CHD7: variants seen among roughly 807,000 people sequenced by gnomAD.
The protein encoded by CHD7 is ATP-dependent chromatin remodeler CHD7.
In CHD7, 24 loss-of-function variants were observed where a neutral mutation model predicts 307.3. The ratio of observed to expected loss-of-function variants is 0.08; its 90% CI spans 0.06 to 0.11. The LOEUF (loss-of-function observed/expected upper bound fraction) is 0.11. Ranked by LOEUF, CHD7 falls within the 10% of genes least tolerant of loss-of-function variation. The pLI is 1.00. For missense variants in CHD7, 3,106 were observed against 3,727.1 expected (o/e 0.83, Z 4.34); for synonymous variants, 1,363 against 1,349.9 (o/e 1.01, Z -0.21).
intron 1 of CHD7, among the ~76,000 whole-genome samples, chr8:60,729,971 C>T (rs1432666722): frequency 6.6e-6 from 1 of 152,010 alleles, no homozygotes; most frequent in Non-Finnish European, 1.5e-5. Context: ...GTATGAAGTA[C>T]TTAAAATTAG....
chr8:60,760,088 G>C (rs934644174), intron 2 of CHD7, among the ~76,000 whole-genome samples: 9 of 152,130 alleles, frequency 5.9e-5, no homozygotes, highest in African/African-American at 2.2e-4. Context: ...GTTCAGTTTG[G>C]GGTCAGACAA....
At chr8:60,769,169 C>T (rs1216219691) in intron 2 of CHD7, among the ~76,000 whole-genome samples, 1 of 152,148 alleles carries the variant, frequency 6.6e-6, no homozygotes, top group Admixed American at 6.5e-5. Context: ...TTTAAGAACT[C>T]TAACTAAGGC....
chr8:60,749,420 A>G (rs1036923415), intron 2 of CHD7, among the ~76,000 whole-genome samples: 3 of 146,454 alleles, frequency 2.0e-5, no homozygotes, highest in Non-Finnish European at 4.5e-5. Context: ...AGACATGGGC[A>G]GAGTAATTGG....
Position 60,853,435 on chromosome 8 carries a change from C to A in CHD7, c.6710C>A (p.Ser2237Tyr). 9.2e-6 allele frequency: 14 copies of A among 1,521,550 alleles called. No homozygotes were observed. Among genetic ancestry groups the A allele is most frequent in the Non-Finnish European group, 1.1e-5 (13 of 1,138,518 alleles). The allele number at this position is 1,521,550 out of a possible 1,614,324, so 94.3% of individuals were successfully genotyped here. ...TCCAAATCTATTTCAGAGAAAGGTT[C>A]CGAAGAGGATGAAGAGGAAAAGCTG... is the stretch of plus-strand genomic sequence containing the variant. ...TGSKSISEKG[S>Y]EEDEEEKLED... The change falls in exon 31 of 38, where the codon TCC (serine) becomes TAC (tyrosine). Residue 2237 changes from serine (S) to tyrosine (Y), a missense_variant. Physicochemically the swap from Ser to Tyr is moderately radical, Grantham distance 144 (BLOSUM62 -2). Around this residue, in one of 10 missense-constraint regions of CHD7, gnomAD observed 1,030 missense variants for 1,165.4 expected, o/e 0.88. Coordinates refer to ENST00000423902, the MANE Select transcript of CHD7 (RefSeq NM_017780.4).
chr8:60,847,185 G>A (rs997781997), intron 23 of CHD7, among the ~76,000 whole-genome samples: 7 of 152,214 alleles, frequency 4.6e-5, no homozygotes, highest in African/African-American at 1.2e-4. Flanking sequence ...CATGCTGGCC[G>A]TGAGTAGGCT....
Position 60,829,473 on chromosome 8 carries a change from C to T in CHD7, c.3522+667C>T, listed in dbSNP as rs559378836. Among the ~76,000 whole-genome samples, 12 of 152,220 alleles carry T rather than the reference C, an allele frequency of 7.9e-5. No individual in the cohort carries two copies. The East Asian group carries it at 2.1e-3, about 27-fold the overall frequency. ...AAAATTAGCCGGGCGTGGTGGAACA[C>T]GCCTGTAGCCCCAGCTACTCTGGAC... On this transcript the variant is annotated intron_variant, in intron 14 of 37. Coordinates refer to ENST00000423902, the MANE Select transcript of CHD7 (RefSeq NM_017780.4).
chr8:60,829,875 G>A (rs925210327), intron 14 of CHD7, among the ~76,000 whole-genome samples: 2 of 152,144 alleles, frequency 1.3e-5, no homozygotes, highest in African/African-American at 2.4e-5. Flanking sequence ...AGGGAGAGAC[G>A]TCTCTGCTGG....
At position 60,822,110 on chromosome 8, in the gene CHD7, G is replaced by A. The variant is rs1278202176; in HGVS notation, c.2922G>A (p.Glu974=). ...ACAAACTCAGGGAATACCAGTTGGA[G>A]GGAGTAAACTGGCTACTTTTCAATT... ...NNNKLREYQL[E]GVNWLLFNWY... is the part of the protein sequence containing the mutation. The change falls in exon 11 of 38, where the codon GAG becomes GAA. Residue 974 remains glutamate (E), a synonymous_variant. Coordinates refer to ENST00000423902, the MANE Select transcript of CHD7 (RefSeq NM_017780.4). The A allele has an allele frequency of 1.9e-6, 3 of 1,613,534 alleles. No homozygotes were observed. The highest frequency in any genetic ancestry group is 2.7e-5 in the African/African-American group (2 of 74,898).
chr8:60,844,799 A>T (rs1307562273), intron 21 of CHD7, 65 bp from the exon 22 acceptor site: 8 of 1,376,170 alleles, frequency 5.8e-6, no homozygotes, highest in Non-Finnish European at 7.9e-6. Flanking sequence ...CTGGTACCTG[A>T]CTTAAAGTAA....
At chr8:60,701,185 T>C (rs1410252164) in intron 1 of CHD7, among the ~76,000 whole-genome samples, 1 of 152,230 alleles carries the variant, frequency 6.6e-6, no homozygotes, top group Non-Finnish European at 1.5e-5. Context: ...AACAGTTTAG[T>C]CACTGTTTCC....
intron 23 of CHD7, among the ~76,000 whole-genome samples, chr8:60,846,783 A>G (rs1805227407): frequency 6.6e-6 from 1 of 152,274 alleles, no homozygotes; most frequent in Admixed American, 6.5e-5. Flanking sequence ...TTTAACTGAC[A>G]AGAAAACTGA....
At chr8:60,838,378 T>A (rs1804830933) in intron 19 of CHD7, 123 bp downstream of exon 19, 2 of 851,996 alleles carry the variant, frequency 2.3e-6, no homozygotes, top group African/African-American at 3.4e-5. Context: ...ATTAACTCCC[T>A]GTGGAACCCC....
rs760161762 is a variant in CHD7 at position 60,742,579 on chromosome 8, C to T, written c.1147C>T (p.Pro383Ser). The change falls in exon 2 of 38, where the codon CCT (proline) becomes TCT (serine). Residue 383 changes from proline (P) to serine (S), a missense_variant. Physicochemically the swap from Pro to Ser is moderately conservative, Grantham distance 74. This residue lies in a region of CHD7 where 998 missense variants were observed against 1,004.5 expected (regional missense o/e 0.99). Transcript: ENST00000423902. ...CCAAATGAACACACAAACTATGCAT[C>T]CTTCACAGCCTCAGGGAACTTATGC... is the stretch of plus-strand genomic sequence containing the variant. ...LNQMNTQTMH[P>S]SQPQGTYASP... The T allele has an allele frequency of 1.9e-6, 3 of 1,613,954 alleles. No homozygotes were observed. In the South Asian group the frequency reaches 3.3e-5, roughly 18 times the overall value.
intron 1 of CHD7, among the ~76,000 whole-genome samples, chr8:60,728,077 C>T (rs1808260807): frequency 6.6e-6 from 1 of 152,240 alleles, no homozygotes; most frequent in South Asian, 2.1e-4. Context: ...GTACCTTTCT[C>T]TTCCAGTCTG....
intron 2 of CHD7, among the ~76,000 whole-genome samples, chr8:60,772,819 A>G (rs1201361368): frequency 6.6e-6 from 1 of 152,234 alleles, no homozygotes; most frequent in Admixed American, 6.5e-5. Flanking sequence ...CTTCTAGAAA[A>G]TAATGTCCAG....
rs182997028 is a variant in CHD7, at chr8:60,790,516, C to T, written c.2097-4470C>T. On this transcript the variant is annotated intron_variant, in intron 3 of 37. Coordinates refer to ENST00000423902, the MANE Select transcript of CHD7 (RefSeq NM_017780.4). Reference sequence around the variant, plus strand: ...GCCCGATTTTACTGAGCTTTATAGGCGTTTCATCAAGGTTGACGCTATGTG... The same window carrying T: ...GCCCGATTTTACTGAGCTTTATAGGTGTTTCATCAAGGTTGACGCTATGTG... 1.3e-4 allele frequency among the ~76,000 whole-genome samples: 20 copies of T among 152,226 alleles called. No individual in the cohort carries two copies. The East Asian group carries it at 2.5e-3, about 19-fold the overall frequency.
chr8:60,732,513 T>A (rs1808503754), intron 1 of CHD7, among the ~76,000 whole-genome samples: 1 of 152,220 alleles, frequency 6.6e-6, no homozygotes, highest in Non-Finnish European at 1.5e-5. Context: ...CTTCCCTTCC[T>A]TCTGTTCCAC....
intron 1 of CHD7, among the ~76,000 whole-genome samples, chr8:60,680,630 T>C (rs975111169): frequency 4.6e-5 from 7 of 152,164 alleles, no homozygotes; most frequent in Non-Finnish European, 1.0e-4. Flanking sequence ...CGGAGAGTGC[T>C]CCTGCTATGG....
At position 60,742,274 on chromosome 8, in the gene CHD7, A is replaced by G. The variant is rs1809077010; in HGVS notation, c.842A>G (p.Gln281Arg). 6.2e-7 allele frequency: 1 copy of G among 1,613,712 alleles called. No individual in the cohort carries two copies. Among genetic ancestry groups the G allele is most frequent in the Non-Finnish European group, 8.5e-7 (1 of 1,179,814 alleles). ...CCCAGATTCTCCCCGAATCCTCCCC[A>G]ACAAGGGGCTGTTAGGCCGCAAACC... ...HSPRFSPNPP[Q>R]QGAVRPQTLN... The change falls in exon 2 of 38, where the codon CAA (glutamine) becomes CGA (arginine). Residue 281 changes from glutamine (Q) to arginine (R), a missense_variant. Around this residue, in one of 10 missense-constraint regions of CHD7, gnomAD observed 998 missense variants for 1,004.5 expected, o/e 0.99. Transcript: ENST00000423902.
Sources: gnomAD v4.1 joint callset for allele counts (sites outside exome capture counted in the v4.1 genomes callset) on GRCh38, gnomAD v4.1.1 for gene constraint, gnomAD v4.1.1 regional missense constraint, MANE v1.5 for transcripts, NCBI Gene and HGNC (gene_info 2026-07-23, HGNC 2026-07-21) for gene names.